The following ANO10 variants were observed in gnomAD, a reference collection of about 807,000 sequenced individuals.
The protein encoded by ANO10 is anoctamin-10.
Under a neutral mutation model 74.7 loss-of-function variants are expected in ANO10, and 77 were observed. That is an observed-to-expected ratio of 1.03 (90% confidence interval 0.86 to 1.25). The LOEUF (loss-of-function observed/expected upper bound fraction) is 1.25. Among genes scored for constraint, ANO10 ranks in the 50% most tolerant of loss-of-function variants. ANO10 has a pLI of 0.00. For missense variants in ANO10, 721 were observed against 778.1 expected (o/e 0.93, Z 0.87); for synonymous variants, 279 against 284.9 (o/e 0.98, Z 0.21).
intron 1 of ANO10, among the ~76,000 whole-genome samples, chr3:43,649,346 G>C (rs1472017747): frequency 6.6e-6 from 1 of 152,180 alleles, no homozygotes; most frequent in Non-Finnish European, 1.5e-5. Context: ...AGTACAAAAT[G>C]TAGCCTTAAA....
At chr3:43,684,004 C>T (rs2084239643) in intron 1 of ANO10, among the ~76,000 whole-genome samples, 1 of 152,156 alleles carries the variant, frequency 6.6e-6, no homozygotes, top group Admixed American at 6.5e-5. Context: ...CAATAGCATT[C>T]AGGACATAGT....
At chr3:43,691,326 T>TA (rs1447531088) in intron 1 of ANO10, 2 of 277,378 alleles carry the variant, frequency 7.2e-6, no homozygotes, top group Admixed American at 5.3e-5. Flanking sequence ...CCCGTTGTTG[T>TA]ATAAGCCACC....
At position 43,640,409 on chromosome 3, in the gene ANO10, C is replaced by G. The variant is rs567106228; in HGVS notation, c.-11-34546G>C. On this transcript the variant is annotated intron_variant, in intron 1 of 3. Transcript: ENST00000413397. The stretch of plus-strand genomic sequence containing the variant: ...TAGCAGGGCAAAGCATCAACCCTGG[C>G]CAGTGGAGAACTTGCCATCTTTGCC... Among the ~76,000 whole-genome samples, 74 of 152,198 alleles carry G rather than the reference C, an allele frequency of 4.9e-4. 1 individual carries two copies. The highest frequency in any genetic ancestry group is 1.7e-3 in the African/African-American group (71 of 41,520).
intron 1 of ANO10, among the ~76,000 whole-genome samples, chr3:43,635,706 G>A (rs915442882): frequency 3.3e-5 from 5 of 150,056 alleles, no homozygotes; most frequent in African/African-American, 4.9e-5. Flanking sequence ...TGCAACCTCC[G>A]CCTTCTGGGT....
At chr3:43,626,023 T>A (rs1204822190), upstream of ANO10, among the ~76,000 whole-genome samples, 3 of 152,018 alleles carry the variant, frequency 2.0e-5, no homozygotes, top group Admixed American at 6.6e-5. Context: ...AACTTCCGCC[T>A]CACGGGTTCA....
At chr3:43,456,791 G>A (rs1406602075) in intron 11 of ANO10, among the ~76,000 whole-genome samples, 2 of 152,232 alleles carry the variant, frequency 1.3e-5, no homozygotes, top group African/African-American at 4.8e-5. Flanking sequence ...GAAGCAAAGA[G>A]TAGGATCATT....
At chr3:43,448,943 C>T (rs1385094197) in intron 11 of ANO10, among the ~76,000 whole-genome samples, 2 of 148,998 alleles carry the variant, frequency 1.3e-5, no homozygotes, top group Non-Finnish European at 3.0e-5. Context: ...GCGATCTCGG[C>T]TCATTGCAAC....
At chr3:43,381,656 G>T (rs1395300815) in intron 12 of ANO10, among the ~76,000 whole-genome samples, 2 of 152,132 alleles carry the variant, frequency 1.3e-5, no homozygotes, top group Non-Finnish European at 2.9e-5. Flanking sequence ...CACTAGACAG[G>T]TCATTAAGAC....
At chr3:43,560,582 C>T (rs942750427) in intron 9 of ANO10, among the ~76,000 whole-genome samples, 4 of 151,768 alleles carry the variant, frequency 2.6e-5, no homozygotes, top group African/African-American at 9.7e-5. Context: ...AAACAATGGC[C>T]TAAAAAAAAT....
chr3:43,558,692 T>C (rs1229827852), intron 9 of ANO10, among the ~76,000 whole-genome samples: 6 of 152,190 alleles, frequency 3.9e-5, no homozygotes, highest in African/African-American at 9.7e-5. Flanking sequence ...TCTAAATTCA[T>C]TGATTTCAAT....
rs973746387 is a variant in ANO10, at chr3:43,411,999, A to C, written c.1914+20612T>G. Among the ~76,000 whole-genome samples the C allele has an allele frequency of 8.5e-4, 126 of 148,576 alleles. 2 individuals are homozygous for C. Among genetic ancestry groups the C allele is most frequent in the Non-Finnish European group, 1.6e-3 (108 of 67,296 alleles). ...TATCACAAAGGAGAAGTTAAAAAAA[A>C]CATATTTATATATATAATATATATT... On this transcript the variant is annotated intron_variant, in intron 12 of 12. Coordinates refer to ENST00000292246, the MANE Select transcript of ANO10 (RefSeq NM_018075.5).
intron 11 of ANO10, among the ~76,000 whole-genome samples, chr3:43,480,457 C>T (rs1214670321): frequency 6.6e-6 from 1 of 152,090 alleles, no homozygotes; most frequent in Non-Finnish European, 1.5e-5. Flanking sequence ...TGAACAGACC[C>T]CGTGTAAAGG....
chr3:43,386,253 C>T (rs1287889106), intron 12 of ANO10, among the ~76,000 whole-genome samples: 2 of 151,892 alleles, frequency 1.3e-5, no homozygotes, highest in East Asian at 3.9e-4. Context: ...CTCCTCTCTT[C>T]CTGAAAGCAA....
At chr3:43,403,949 G>A (rs912261964) in intron 12 of ANO10, among the ~76,000 whole-genome samples, 49 of 152,182 alleles carry the variant, frequency 3.2e-4, no homozygotes, top group African/African-American at 1.1e-3. Context: ...TCCCCTCCTG[G>A]AGTATAAGCA....
rs1263522307 is a variant in ANO10, at chr3:43,615,681, T to TCTCA, written c.-12+6224_-12+6227dup. On this transcript the variant is annotated intron_variant, in intron 1 of 12. Transcript: ENST00000292246. ...TTGTTTTTTTTTTCTTGAGACGGAG[T>TCTCA]CTCATTCTGCTGCCCAGGCTGGAGT... Among the ~76,000 whole-genome samples, 23 of 151,322 alleles carry TCTCA rather than the reference T, an allele frequency of 1.5e-4. No homozygotes were observed. In the South Asian group the frequency reaches 4.8e-3, roughly 32 times the overall value.
intron 1 of ANO10, among the ~76,000 whole-genome samples, chr3:43,679,589 G>A (rs1490911000): frequency 6.6e-6 from 1 of 152,228 alleles, no homozygotes; most frequent in Non-Finnish European, 1.5e-5. Flanking sequence ...TTTGAAGAGA[G>A]TAGTGGTTCT....
chr3:43,640,066 T>C (rs1192904508), intron 1 of ANO10, among the ~76,000 whole-genome samples: 1 of 152,178 alleles, frequency 6.6e-6, no homozygotes, highest in Non-Finnish European at 1.5e-5. Flanking sequence ...CTGAAAACAG[T>C]GTTCTGGACA....
chr3:43,536,498 T>G (rs2078715722), intron 11 of ANO10, among the ~76,000 whole-genome samples: 1 of 152,208 alleles, frequency 6.6e-6, no homozygotes, highest in Non-Finnish European at 1.5e-5. Flanking sequence ...TTCTTAAGTT[T>G]GATCAGTGAA....
At chr3:43,653,748 T>A (rs183088206) in intron 1 of ANO10, among the ~76,000 whole-genome samples, 2 of 152,136 alleles carry the variant, frequency 1.3e-5, no homozygotes, top group East Asian at 3.9e-4. Context: ...GATACTAGAG[T>A]GCCTACCCAG....
Sources: gnomAD v4.1 joint callset for allele counts (sites outside exome capture counted in the v4.1 genomes callset) on GRCh38, gnomAD v4.1.1 for gene constraint, MANE v1.5 for transcripts, NCBI Gene and HGNC (gene_info 2026-07-23, HGNC 2026-07-21) for gene names.